The following SIDT2 variants were observed in gnomAD, a reference collection of about 807,000 sequenced individuals.
SIDT2 encodes SID1 transmembrane family member 2.
Under a neutral mutation model 114.4 loss-of-function variants are expected in SIDT2, and 68 were observed. The ratio of observed to expected loss-of-function variants is 0.59; its 90% CI spans 0.49 to 0.73. SIDT2 has a LOEUF of 0.73. Ranked by LOEUF, SIDT2 falls within the 30% of genes least tolerant of loss-of-function variation. SIDT2 has a pLI of 0.00. For missense variants in SIDT2, 918 were observed against 1,097.1 expected, an observed-to-expected ratio of 0.84 and a Z score of 2.31; for synonymous variants, 470 against 438.4, an observed-to-expected ratio of 1.07 and a Z score of -0.90.
Position 117,183,973 on chromosome 11 carries a change from T to A in SIDT2, c.802+95T>A, listed in dbSNP as rs539243256. 4,154 of 1,516,024 alleles carry A rather than the reference T, an allele frequency of 2.7e-3. 25 individuals carry two copies. Among genetic ancestry groups the A allele is most frequent in the South Asian group, 0.011 (953 of 88,736 alleles). The allele number at this position is 1,516,024 out of a possible 1,614,324, so 93.9% of individuals were successfully genotyped here. ...CTGCGTGGCTGATTGGTGGACCTGA[T>A]AGGACATGGGTTTTTGGCTCCAGTC... On this transcript the variant is annotated intron_variant, in intron 7 of 25. Coordinates refer to ENST00000324225, the MANE Select transcript of SIDT2 (RefSeq NM_001040455.2).
rs2134259696 is a variant in SIDT2, at chr11:117,192,686, C to G, written c.2058+36C>G. ...GGTTCCCCTGCTCCATTCTCCACAT[C>G]TCCTTTCTTCCCTCTGATGGGGGAG... On this transcript the variant is annotated intron_variant, in intron 21 of 25. Transcript: ENST00000324225. The surrounding 1 kb of genome is among the most constrained non-coding windows in gnomAD (Gnocchi z 5.9). 2 of 1,612,802 alleles carry G rather than the reference C, an allele frequency of 1.2e-6. No homozygotes were observed. The highest frequency in any genetic ancestry group is 4.5e-5 in the East Asian group (2 of 44,886).
intron 1 of SIDT2, among the ~76,000 whole-genome samples, chr11:117,180,236 AT>A (rs1465975866): frequency 6.6e-6 from 1 of 151,742 alleles, no homozygotes; most frequent in Admixed American, 6.6e-5. Context: ...GGGGAATCTG[AT>A]TTTTTTTCAG....
intron 1 of SIDT2, among the ~76,000 whole-genome samples, chr11:117,181,031 T>G (rs2030264006): frequency 6.6e-6 from 1 of 152,182 alleles, no homozygotes; most frequent in South Asian, 2.1e-4. Flanking sequence ...GGAGCACTTC[T>G]TGTTCTCCTG....
Position 117,196,168 on chromosome 11 carries a change from C to A in SIDT2, c.*102C>A. 1 of 1,487,578 alleles carries A rather than the reference C, an allele frequency of 6.7e-7. No individual in the cohort carries two copies. The highest frequency in any genetic ancestry group is 9.2e-7 in the Non-Finnish European group (1 of 1,083,568). 92.1% of individuals were successfully genotyped at this position (1,487,578 alleles called of 1,614,324 possible). ...GTGGGGATGAGTCCCAGCACCGCTGCCCAGCACTGGATGGCAGCAGGACAG... is the reference window on the plus strand; with the variant it reads ...GTGGGGATGAGTCCCAGCACCGCTGACCAGCACTGGATGGCAGCAGGACAG... On this transcript the variant is annotated 3_prime_UTR_variant, in exon 26 of 26. Transcript: ENST00000324225. This position sits in a 1 kb window ranked among gnomAD's most constrained non-coding sequence, Gnocchi z 4.9.
chr11:117,195,346 T>G (rs1184119640), intron 24 of SIDT2, among the ~76,000 whole-genome samples: 1 of 152,098 alleles, frequency 6.6e-6, no homozygotes, highest in African/African-American at 2.4e-5. Flanking sequence ...AGGGAGGACC[T>G]TGAGTGCCAC....
At chr11:117,186,455 T>G in intron 9 of SIDT2, 129 bp from the exon 10 acceptor site, 3 of 1,052,066 alleles carry the variant, frequency 2.9e-6, no homozygotes, top group Non-Finnish European at 4.2e-6. Flanking sequence ...TGAGGAACCC[T>G]GGGACAAAGG....
rs146296303 is a variant in SIDT2 at position 117,191,894 on chromosome 11, C to T, written c.1752C>T (p.Tyr584=). The change falls in exon 19 of 26, where the codon TAC becomes TAT. Residue 584 remains tyrosine, a synonymous_variant. Coordinates refer to ENST00000324225, the MANE Select transcript of SIDT2 (RefSeq NM_001040455.2). ...TCATCCTAGACACATCGTTCATGTA[C>T]ATGATCGCCGGACTCTGCATGCTGA... ...TNFQFDTSFM[Y]MIAGLCMLKL... is the part of the protein sequence containing the mutation. The T allele has an allele frequency of 6.2e-6, 10 of 1,613,978 alleles. No individual in the cohort carries two copies. In the African/African-American group the frequency reaches 8.0e-5, roughly 13 times the overall value.
chr11:117,180,531 C>CT (rs35242634), intron 1 of SIDT2, among the ~76,000 whole-genome samples: 6,293 of 82,318 alleles, frequency 0.076, 361 homozygotes, highest in African/African-American at 0.12. Flanking sequence ...ATCACTTTAT[C>CT]TTTTTTTTTT....
Position 117,190,538 on chromosome 11 carries a change from C to A in SIDT2, c.1618-85C>A. 2 of 1,246,792 alleles carry A rather than the reference C, an allele frequency of 1.6e-6. No individual in the cohort carries two copies. Among genetic ancestry groups the A allele is most frequent in the South Asian group, 1.3e-5 (1 of 74,248 alleles). 77.2% of individuals were successfully genotyped at this position (1,246,792 alleles called of 1,614,324 possible). ...ATACCCCACCCCTTTTCCTCTTCCA[C>A]TCCTCTTAGGGTCCCTCTTTTGGGT... On this transcript the variant is annotated intron_variant, in intron 17 of 25. Coordinates refer to ENST00000324225, the MANE Select transcript of SIDT2 (RefSeq NM_001040455.2). This position sits in a 1 kb window ranked among gnomAD's most constrained non-coding sequence, Gnocchi z 4.1.
intron 1 of SIDT2, among the ~76,000 whole-genome samples, chr11:117,180,531 C>CTTTTTTTT (rs35242634): frequency 3.5e-4 from 29 of 82,390 alleles, no homozygotes; most frequent in African/African-American, 7.8e-4. Context: ...ATCACTTTAT[C>CTTTTTTTT]TTTTTTTTTT....
At chr11:117,180,820 G>A (rs988338155) in intron 1 of SIDT2, among the ~76,000 whole-genome samples, 1 of 152,090 alleles carries the variant, frequency 6.6e-6, no homozygotes, top group African/African-American at 2.4e-5. Context: ...GTGAGTCACC[G>A]CACCCGGCTG....
chr11:117,190,928 G>C lies in SIDT2; in HGVS notation c.1735+188G>C. On this transcript the variant is annotated intron_variant, in intron 18 of 25. Coordinates refer to ENST00000324225, the MANE Select transcript of SIDT2 (RefSeq NM_001040455.2). The surrounding 1 kb of genome is among the most constrained non-coding windows in gnomAD (Gnocchi z 4.1). ...CACCTAGATGCTGCTTCATTCATCT[G>C]TCAAGCTATTCCTATGTAAAGGCAT... 1 of 574,882 alleles carries C rather than the reference G, an allele frequency of 1.7e-6. No individual in the cohort carries two copies. Among genetic ancestry groups the C allele is most frequent in the Non-Finnish European group, 3.1e-6 (1 of 320,422 alleles). 35.6% of individuals were successfully genotyped at this position (574,882 alleles called of 1,614,324 possible).
In SIDT2 at chr11:117,192,424, G is replaced by A. The variant is rs755729849; in HGVS notation, c.1981+62G>A. 4.3e-6 allele frequency: 6 copies of A among 1,390,890 alleles called. No homozygotes were observed. Among genetic ancestry groups the A allele is most frequent in the African/African-American group, 1.4e-5 (1 of 70,474 alleles). The allele number at this position is 1,390,890 out of a possible 1,614,324, so 86.2% of individuals were successfully genotyped here. ...TCTGGGGGGCCTTGGGAACCCGGAC[G>A]CACGGGAGACGCTCAGGTTCTGTCT... is the stretch of plus-strand genomic sequence containing the variant. On this transcript the variant is annotated intron_variant, in intron 20 of 25. Transcript: ENST00000324225. This position sits in a 1 kb window ranked among gnomAD's most constrained non-coding sequence, Gnocchi z 5.9.
chr11:117,190,062 A>G lies in SIDT2; in HGVS notation c.1493+37A>G, dbSNP rs373912862. On this transcript the variant is annotated intron_variant, in intron 16 of 25. Transcript: ENST00000324225. The surrounding 1 kb of genome is among the most constrained non-coding windows in gnomAD (Gnocchi z 4.1). The stretch of plus-strand genomic sequence containing the variant: ...GCTGGGAGGCCCCTTGTCCAGGCCA[A>G]GGGTGAAATGGGGCAGGGCCTGGGG... 2.3e-4 allele frequency: 370 copies of G among 1,613,918 alleles called. No individual in the cohort carries two copies. Among genetic ancestry groups the G allele is most frequent in the Non-Finnish European group, 2.8e-4 (333 of 1,179,968 alleles).
chr11:117,180,975 G>A (rs1481360512), intron 1 of SIDT2, among the ~76,000 whole-genome samples: 1 of 152,210 alleles, frequency 6.6e-6, no homozygotes, highest in Non-Finnish European at 1.5e-5. Context: ...CAGGTTAGCT[G>A]TTAACTAGAG....
intron 1 of SIDT2, among the ~76,000 whole-genome samples, chr11:117,180,980 C>G (rs2030262493): frequency 1.3e-5 from 2 of 152,214 alleles, no homozygotes; most frequent in African/African-American, 2.4e-5. Context: ...TAGCTGTTAA[C>G]TAGAGCTTCC....
At chr11:117,184,872 C>T (rs1441275357) in intron 8 of SIDT2, among the ~76,000 whole-genome samples, 1 of 152,054 alleles carries the variant, frequency 6.6e-6, no homozygotes, top group Non-Finnish European at 1.5e-5. Flanking sequence ...ATTACAGGCA[C>T]CTGCCGCCAT....
intron 9 of SIDT2, 149 bp downstream of exon 9, chr11:117,186,372 G>A: frequency 1.2e-6 from 1 of 830,700 alleles, no homozygotes; most frequent in East Asian, 2.5e-5. Context: ...TGGCCCATGA[G>A]CCTCTCTAGA....
intron 10 of SIDT2, 125 bp downstream of exon 10, chr11:117,186,761 T>G: frequency 4.0e-5 from 25 of 624,554 alleles, no homozygotes; most frequent in Non-Finnish European, 5.2e-5. Flanking sequence ...CAGATGGGGG[T>G]AACACTCCAC....
Sources: allele counts gnomAD v4.1 joint callset (sites outside exome capture counted in the v4.1 genomes callset), GRCh38; gene constraint gnomAD v4.1.1; non-coding constraint Gnocchi (gnomAD v3.1); transcripts MANE v1.5; gene names NCBI Gene and HGNC (gene_info 2026-07-23, HGNC 2026-07-21).